Variants in POPDC3 observed in about 807,000 individuals in gnomAD.
POPDC3 encodes popeye domain-containing protein 3.
POPDC3 carries 20 observed loss-of-function variants against 28.2 expected under a neutral mutation model. The observed-to-expected ratio is 0.71, with a 90% CI of 0.50 to 1.03. The LOEUF (loss-of-function observed/expected upper bound fraction) is 1.03. Among genes scored for constraint, POPDC3 ranks in the 50% least tolerant of loss-of-function variants. The probability of loss-of-function intolerance (pLI) is 0.00; values close to 1 mark genes in which losing one functional copy is unlikely to be tolerated. For synonymous variants in POPDC3, 118 were observed against 124.1 expected (o/e 0.95, Z 0.33); for missense variants, 316 against 345.9 (o/e 0.91, Z 0.69).
In POPDC3 at chr6:105,159,799, C is replaced by A. The variant is rs140237567; in HGVS notation, c.506G>T (p.Gly169Val). 1 of 1,612,408 alleles carries A rather than the reference C, an allele frequency of 6.2e-7. No individual in the cohort carries two copies. Among genetic ancestry groups the A allele is most frequent in the Non-Finnish European group, 8.5e-7 (1 of 1,179,000 alleles). ...VSGRIRVTVD[G>V]EFLHYIFPLQ... ...GGGGAAAATGTAATGCAGAAATTCG[C>A]CATCAACTGTCACTCTGATCCTATC... The change falls in exon 3 of 4, where the codon GGC (glycine) becomes GTC (valine). Residue 169 changes from glycine (G) to valine (V), a missense_variant. Transcript: ENST00000254765.
At chr6:105,173,763 CATT>C (rs1427940951) in intron 1 of POPDC3, among the ~76,000 whole-genome samples, 1 of 151,606 alleles carries the variant, frequency 6.6e-6, no homozygotes, top group Non-Finnish European at 1.5e-5. Context: ...AGATAACAAT[CATT>C]ATGGAGAATA....
chr6:105,164,770 T>C (rs559396907), intron 1 of POPDC3, among the ~76,000 whole-genome samples: 1 of 152,214 alleles, frequency 6.6e-6, no homozygotes, highest in Non-Finnish European at 1.5e-5. Context: ...TGATCTTCAC[T>C]GCAAAGTAAG....
intron 1 of POPDC3, chr6:105,178,899 A>G (rs1370456381): frequency 3.0e-6 from 3 of 985,300 alleles, no homozygotes; most frequent in Non-Finnish European, 3.6e-6. Context: ...ATAAAACTCA[A>G]TTGCAGTTTG....
rs1203154565 is a variant in POPDC3, at chr6:105,161,872, T to C, written c.38A>G (p.Asp13Gly). Residue 13 changes from aspartate (D) to glycine (G), a missense_variant, in exon 2 of 4, where the codon GAT (aspartate) becomes GGT (glycine). Transcript: ENST00000254765. ...RNSSLWKNLI[D>G]EHPVCTTWKQ... ...CCAGGTTGTGCAGACTGGGTGTTCA[T>C]CTATTAGGTTCTTCCATAAACTTGA... 1.9e-6 allele frequency: 3 copies of C among 1,607,328 alleles called. No homozygotes were observed. The African/African-American group carries it at 4.0e-5, about 22-fold the overall frequency.
chr6:105,169,167 G>A (rs1248479458), intron 1 of POPDC3: 1 of 152,186 alleles, frequency 6.6e-6, no homozygotes, highest in Non-Finnish European at 1.5e-5. Context: ...AGTGCTCACT[G>A]TATATGAGGC....
chr6:105,164,845 C>T (rs902465251), intron 1 of POPDC3, among the ~76,000 whole-genome samples: 3 of 152,192 alleles, frequency 2.0e-5, no homozygotes, highest in Non-Finnish European at 4.4e-5. Context: ...TTGTTCCAAG[C>T]TCATCTGGGT....
Position 105,159,761 on chromosome 6 carries a change from C to A in POPDC3, c.544G>T (p.Asp182Tyr). Residue 182 changes from aspartate to tyrosine, a missense_variant, in exon 3 of 4, where the codon GAT (aspartate) becomes TAT (tyrosine). By Grantham distance (160) the Asp-to-Tyr change is radical. Transcript: ENST00000254765. ...CTCAGTGAATCCCACTCAGGAGAATCCAGGAACTGAAGGGGGAAAATGTAA... is the reference window on the plus strand; with the variant it reads ...CTCAGTGAATCCCACTCAGGAGAATACAGGAACTGAAGGGGGAAAATGTAA... The part of the protein sequence containing the change: ...LHYIFPLQFL[D>Y]SPEWDSLRPT... The A allele has an allele frequency of 6.2e-7, 1 of 1,613,692 alleles. No individual in the cohort carries two copies. Among genetic ancestry groups the A allele is most frequent in the Non-Finnish European group, 8.5e-7 (1 of 1,179,806 alleles).
intron 1 of POPDC3, among the ~76,000 whole-genome samples, chr6:105,167,405 C>G (rs1422676495): frequency 1.3e-5 from 2 of 151,990 alleles, no homozygotes; most frequent in Non-Finnish European, 2.9e-5. Flanking sequence ...TGAAAAAGAG[C>G]ATAGGGAGAA....
At chr6:105,173,809 T>C (rs951783751) in intron 1 of POPDC3, among the ~76,000 whole-genome samples, 7 of 151,900 alleles carry the variant, frequency 4.6e-5, no homozygotes, top group Non-Finnish European at 1.0e-4. Context: ...ATTGGTGTCT[T>C]TGAAGTAGAG....
intron 1 of POPDC3, among the ~76,000 whole-genome samples, chr6:105,178,222 ATG>A (rs1774716229): frequency 6.6e-6 from 1 of 152,174 alleles, no homozygotes; most frequent in Non-Finnish European, 1.5e-5. Context: ...CATGTTGCTT[ATG>A]TGTTATGCTC....
rs1197884883 is a variant in POPDC3 at position 105,161,582 on chromosome 6, C to T, written c.328G>A (p.Val110Met). ...RSITFAREFQ[V>M]LYSSLFQPLG... ...GGCTGGAAAAGGGAGCTGTACAACA[C>T]TTGGAATTCTCGGGCAAAGGTTATG... is the stretch of plus-strand genomic sequence containing the variant. Residue 110 changes from valine to methionine, a missense_variant, in exon 2 of 4, where the codon GTG becomes ATG. Transcript: ENST00000254765. The T allele has an allele frequency of 6.2e-7, 1 of 1,614,136 alleles. No individual in the cohort carries two copies. Among genetic ancestry groups the T allele is most frequent in the Non-Finnish European group, 8.5e-7 (1 of 1,180,024 alleles).
At chr6:105,160,772 A>AT (rs928562790) in intron 2 of POPDC3, among the ~76,000 whole-genome samples, 4 of 148,332 alleles carry the variant, frequency 2.7e-5, no homozygotes, top group Non-Finnish European at 6.0e-5. Flanking sequence ...TTGTTTTTCT[A>AT]TTTTTTCAGT....
rs1014261566 is a variant in POPDC3, at chr6:105,158,123, T to A, written c.*347A>T. On this transcript the variant is annotated 3_prime_UTR_variant, in exon 4 of 4. Coordinates refer to ENST00000254765, the MANE Select transcript of POPDC3 (RefSeq NM_022361.5). ...CTGAGAATACTTGCTGGCTCTTTCT[T>A]GAGAAGCAACTCCTGAGTCTATAGG... Among the ~76,000 whole-genome samples the A allele has an allele frequency of 6.6e-6, 1 of 152,174 alleles. No individual in the cohort carries two copies. Among genetic ancestry groups the A allele is most frequent in the African/African-American group, 2.4e-5 (1 of 41,442 alleles).
intron 1 of POPDC3, among the ~76,000 whole-genome samples, chr6:105,168,314 T>C (rs769093672): frequency 7.9e-5 from 12 of 152,154 alleles, no homozygotes; most frequent in Non-Finnish European, 1.5e-4. Context: ...CCAGAGTATA[T>C]TCACACCAGC....
chr6:105,170,681 CAT>C (rs1774557247), intron 1 of POPDC3, among the ~76,000 whole-genome samples: 1 of 152,154 alleles, frequency 6.6e-6, no homozygotes, highest in African/African-American at 2.4e-5. Flanking sequence ...AACACAACAA[CAT>C]ATGTGATCCT....
At chr6:105,178,635 G>T in intron 1 of POPDC3, 2 of 641,494 alleles carry the variant, frequency 3.1e-6, no homozygotes, top group Non-Finnish European at 3.9e-6. Context: ...GAACCTCAGA[G>T]ATATCTGGAA....
chr6:105,166,100 T>C (rs1774450225), intron 1 of POPDC3, among the ~76,000 whole-genome samples: 1 of 152,256 alleles, frequency 6.6e-6, no homozygotes, highest in South Asian at 2.1e-4. Context: ...AGAAGGGTTC[T>C]AGTCTTAGCT....
At chr6:105,162,613 T>C (rs765388183) in intron 1 of POPDC3, among the ~76,000 whole-genome samples, 23 of 152,230 alleles carry the variant, frequency 1.5e-4, no homozygotes, top group Non-Finnish European at 2.8e-4. Flanking sequence ...GCGCCTGGGA[T>C]CCCAGCTACT....
intron 1 of POPDC3, chr6:105,168,739 G>A (rs1463910009): frequency 6.6e-6 from 1 of 152,184 alleles, no homozygotes; most frequent in Non-Finnish European, 1.5e-5. Context: ...AGTTATACAG[G>A]ACTCCATCAT....
Sources: gnomAD v4.1 joint callset for allele counts (sites outside exome capture counted in the v4.1 genomes callset) on GRCh38, gnomAD v4.1.1 for gene constraint, MANE v1.5 for transcripts, NCBI Gene and HGNC (gene_info 2026-07-23, HGNC 2026-07-21) for gene names.